RIC1: variants seen among roughly 807,000 people sequenced by gnomAD.
RIC1 encodes RIC1 partner of RAB6A GEF complex.
A neutral mutation model predicts 169.0 loss-of-function variants in RIC1; 88 were observed. The observed-to-expected ratio is 0.52, with a 90% CI of 0.44 to 0.62. The LOEUF (loss-of-function observed/expected upper bound fraction) is 0.62. RIC1 is among the 20% of genes least tolerant of loss of function. RIC1 has a pLI of 0.00. For missense variants in RIC1, 1,877 were observed against 1,725.5 expected (o/e 1.09, Z -1.56); for synonymous variants, 790 against 601.5 (o/e 1.31, Z -4.59).
intron 1 of RIC1, among the ~76,000 whole-genome samples, chr9:5,638,931 T>C (rs944955194): frequency 1.3e-5 from 2 of 152,202 alleles, no homozygotes; most frequent in African/African-American, 4.8e-5. Context: ...CTTCTTGTTT[T>C]CTGAGACAGG....
chr9:5,776,498 C>G lies in RIC1; in HGVS notation c.*2252C>G, dbSNP rs928681854. The G allele has an allele frequency of 6.6e-6, 1 of 151,962 alleles. No individual in the cohort carries two copies. The highest frequency in any genetic ancestry group is 2.4e-5 in the African/African-American group (1 of 41,396). 9.4% of individuals were successfully genotyped at this position (151,962 alleles called of 1,614,324 possible). A position where few individuals can be genotyped will look rare whatever the true frequency, so the allele number is the denominator to read the frequency against. On this transcript the variant is annotated 3_prime_UTR_variant, in exon 26 of 26. Transcript: ENST00000414202. ...CCTTTGCTTGTAATTAAAGTTGCTG[C>G]TATTTCTGTAATGTGTATTTTTCTC...
rs1427566906 is a variant in RIC1 at position 5,679,996 on chromosome 9, C to T, written c.253-9963C>T. 2.6e-5 allele frequency among the ~76,000 whole-genome samples: 4 copies of T among 152,094 alleles called. No homozygotes were observed. The East Asian group carries it at 5.8e-4, about 22-fold the overall frequency. On this transcript the variant is annotated intron_variant, in intron 2 of 25. Transcript: ENST00000414202. ...GTGGGTTTGTCATAGATAGCTCTTA[C>T]TATTTTGAGATACATCCCATCAATA...
At position 5,690,026 on chromosome 9, in the gene RIC1, C is replaced by T; in HGVS notation, c.320C>T (p.Pro107Leu). Residue 107 changes from proline (P) to leucine (L), a missense_variant, in exon 3 of 26, where the codon CCA (proline) becomes CTA (leucine). Pro to Leu is a moderately conservative substitution (Grantham distance 98). Coordinates refer to ENST00000414202, the MANE Select transcript of RIC1 (RefSeq NM_020829.4). ...STRGDKYLYE[P>L]VYPKGSPQMK... is the part of the protein sequence containing the mutation. ...AGAGGGGACAAGTACCTTTATGAACCAGTGTATCCCAAGTAAGTTTGTTGC... is the reference window on the plus strand; with the variant it reads ...AGAGGGGACAAGTACCTTTATGAACTAGTGTATCCCAAGTAAGTTTGTTGC... The T allele has an allele frequency of 6.3e-7, 1 of 1,589,098 alleles. No individual in the cohort carries two copies. The highest frequency in any genetic ancestry group is 2.3e-5 in the East Asian group (1 of 44,362).
At chr9:5,758,722 C>CTTTTTTTTTTTTTTTTTTTTCCTTTT (rs754931692) in intron 17 of RIC1, among the ~76,000 whole-genome samples, 2 of 98,426 alleles carry the variant, frequency 2.0e-5, no homozygotes, top group African/African-American at 8.0e-5. Flanking sequence ...GGTCTCCCTT[C>CTTTTTTTTTTTTTTTTTTTTCCTTTT]TTTTTTTTTT....
chr9:5,751,294 C>T (rs934390667), intron 12 of RIC1, among the ~76,000 whole-genome samples: 3 of 151,890 alleles, frequency 2.0e-5, no homozygotes, highest in African/African-American at 7.3e-5. Context: ...TTTCACCACC[C>T]AATCATTACC....
chr9:5,668,311 A>G (rs989611753), intron 2 of RIC1, among the ~76,000 whole-genome samples: 2 of 152,198 alleles, frequency 1.3e-5, no homozygotes, highest in Non-Finnish European at 2.9e-5. Context: ...TCACTGAGGA[A>G]CCCTTATATT....
At chr9:5,680,741 T>A (rs935130277) in intron 2 of RIC1, among the ~76,000 whole-genome samples, 1 of 152,072 alleles carries the variant, frequency 6.6e-6, no homozygotes, top group African/African-American at 2.4e-5. Flanking sequence ...TTCTCCGTTT[T>A]CTTCTTTATT....
At chr9:5,757,838 T>C (rs961522813) in intron 17 of RIC1, among the ~76,000 whole-genome samples, 2 of 152,160 alleles carry the variant, frequency 1.3e-5, no homozygotes, top group Admixed American at 6.5e-5. Flanking sequence ...CAAAGGCCCA[T>C]AGACAAGGCA....
At chr9:5,654,325 C>T (rs1772380888) in intron 1 of RIC1, among the ~76,000 whole-genome samples, 1 of 152,162 alleles carries the variant, frequency 6.6e-6, no homozygotes, top group Non-Finnish European at 1.5e-5. Flanking sequence ...TGACTCACTG[C>T]AGCCTCTGCC....
At chr9:5,632,831 GAA>G (rs1446272394) in intron 1 of RIC1, among the ~76,000 whole-genome samples, 1 of 152,168 alleles carries the variant, frequency 6.6e-6, no homozygotes. Context: ...CTGTGACTAT[GAA>G]AGTCTATATA....
At chr9:5,768,272 T>G (rs1304493534) in intron 21 of RIC1, among the ~76,000 whole-genome samples, 3 of 152,184 alleles carry the variant, frequency 2.0e-5, no homozygotes, top group Admixed American at 1.3e-4. Context: ...ACACCTGTAA[T>G]TCCAGCACTT....
At chr9:5,719,563 A>C (rs1256228818) in intron 4 of RIC1, 1 of 152,300 alleles carries the variant, frequency 6.6e-6, no homozygotes, top group African/African-American at 2.4e-5. Context: ...ACTTGCTAAT[A>C]CCTAAGAAAT....
chr9:5,746,879 A>T (rs1825407657), intron 11 of RIC1, among the ~76,000 whole-genome samples: 1 of 152,110 alleles, frequency 6.6e-6, no homozygotes, highest in Non-Finnish European at 1.5e-5. Flanking sequence ...CCATTATTCC[A>T]CTTGAAGACT....
chr9:5,629,279 A>C lies in RIC1; in HGVS notation c.-31A>C. 6.8e-7 allele frequency: 1 copy of C among 1,464,110 alleles called. No individual in the cohort carries two copies. Among genetic ancestry groups the C allele is most frequent in the Non-Finnish European group, 9.0e-7 (1 of 1,108,430 alleles). The allele number at this position is 1,464,110 out of a possible 1,614,324, so 90.7% of individuals were successfully genotyped here. A position where few individuals can be genotyped will look rare whatever the true frequency, so the allele number is the denominator to read the frequency against. The stretch of plus-strand genomic sequence containing the variant: ...CGGGGCCGCTGAGTGTGACGGACGC[A>C]ACTGGGGGCGCCGGGGGCTCCGCAC... On this transcript the variant is annotated 5_prime_UTR_variant, in exon 1 of 26. Transcript: ENST00000414202.
At chr9:5,688,691 G>A (rs1445053847) in intron 2 of RIC1, among the ~76,000 whole-genome samples, 1 of 152,114 alleles carries the variant, frequency 6.6e-6, no homozygotes, top group East Asian at 1.9e-4. Context: ...CAAACCACCT[G>A]GTTTTGCTGA....
intron 14 of RIC1, among the ~76,000 whole-genome samples, chr9:5,754,349 T>C (rs755491826): frequency 1.3e-5 from 2 of 152,242 alleles, no homozygotes; most frequent in Non-Finnish European, 2.9e-5. Flanking sequence ...TAAAGAAATA[T>C]TTATTTTTAT....
intron 2 of RIC1, among the ~76,000 whole-genome samples, chr9:5,667,897 T>C (rs1308985395): frequency 6.6e-6 from 1 of 152,174 alleles, no homozygotes; most frequent in Non-Finnish European, 1.5e-5. Context: ...GGTATCTTTA[T>C]AGCAGCACCC....
At chr9:5,640,696 C>T (rs542518555) in intron 1 of RIC1, among the ~76,000 whole-genome samples, 1 of 152,196 alleles carries the variant, frequency 6.6e-6, no homozygotes, top group African/African-American at 2.4e-5. Context: ...GCGAGTTGTA[C>T]CTTCTGATGG....
intron 4 of RIC1, among the ~76,000 whole-genome samples, chr9:5,716,052 G>A (rs537206641): frequency 6.6e-6 from 1 of 152,068 alleles, no homozygotes; most frequent in East Asian, 1.9e-4. Flanking sequence ...CCATGTTGTT[G>A]AGGCTGGTCT....
Sources: allele counts gnomAD v4.1 joint callset (sites outside exome capture counted in the v4.1 genomes callset), GRCh38; gene constraint gnomAD v4.1.1; transcripts MANE v1.5; gene names NCBI Gene and HGNC (gene_info 2026-07-23, HGNC 2026-07-21).